PLCL1: variants seen among roughly 807,000 people sequenced by gnomAD.
PLCL1 encodes the protein phospholipase C like 1 (inactive).
In PLCL1, 41 loss-of-function variants were observed where a neutral mutation model predicts 84.4. The ratio of observed to expected loss-of-function variants is 0.49; its 90% CI spans 0.38 to 0.63. The LOEUF (loss-of-function observed/expected upper bound fraction) is 0.63. PLCL1 is among the 30% of genes least tolerant of loss of function. PLCL1 has a pLI of 0.00. For missense variants in PLCL1, 1,206 were observed against 1,367.8 expected (o/e 0.88, Z 1.87); for synonymous variants, 490 against 488.3 (o/e 1.00, Z -0.05).
chr2:197,993,689 AC>A (rs1326064179), intron 1 of PLCL1, among the ~76,000 whole-genome samples: 1 of 152,096 alleles, frequency 6.6e-6, no homozygotes, highest in Admixed American at 6.5e-5. Flanking sequence ...CTTCTCTAGA[AC>A]CTGTGCTAAC....
intron 1 of PLCL1, among the ~76,000 whole-genome samples, chr2:197,834,161 A>C (rs1691131986): frequency 6.6e-6 from 1 of 152,256 alleles, no homozygotes; most frequent in African/African-American, 2.4e-5. Flanking sequence ...TGCAAAATTT[A>C]ACTCAAGATG....
chr2:198,093,195 G>C (rs1693093591), intron 3 of PLCL1, among the ~76,000 whole-genome samples: 1 of 152,170 alleles, frequency 6.6e-6, no homozygotes, highest in Non-Finnish European at 1.5e-5. Context: ...GAACTATTCT[G>C]TATGAAACTG....
At chr2:197,987,073 C>CA (rs1690234233) in intron 1 of PLCL1, among the ~76,000 whole-genome samples, 1 of 152,140 alleles carries the variant, frequency 6.6e-6, no homozygotes, top group Non-Finnish European at 1.5e-5. Context: ...AACTCTCCGC[C>CA]AAGTTTACTG....
intron 1 of PLCL1, among the ~76,000 whole-genome samples, chr2:197,929,704 G>A (rs957597717): frequency 5.9e-5 from 9 of 152,154 alleles, no homozygotes; most frequent in African/African-American, 1.9e-4. Flanking sequence ...TTCTGGGCAG[G>A]TATGAATTCT....
chr2:197,811,093 T>C (rs1423587156), intron 1 of PLCL1, among the ~76,000 whole-genome samples: 2 of 151,986 alleles, frequency 1.3e-5, no homozygotes, highest in Non-Finnish European at 2.9e-5. Context: ...TTTGTAGTTT[T>C]GTTGACTCTT....
At chr2:197,989,630 G>A (rs1690294975) in intron 1 of PLCL1, among the ~76,000 whole-genome samples, 1 of 152,146 alleles carries the variant, frequency 6.6e-6, no homozygotes, top group Non-Finnish European at 1.5e-5. Flanking sequence ...TCTGAACACA[G>A]GAGGCGGAGT....
intron 1 of PLCL1, among the ~76,000 whole-genome samples, chr2:197,817,758 T>G (rs575551321): frequency 6.6e-6 from 1 of 152,254 alleles, no homozygotes; most frequent in South Asian, 2.1e-4. Context: ...AAGAGAGGGA[T>G]CAAGATGTGC....
At position 197,833,344 on chromosome 2, in the gene PLCL1, G is replaced by T. The variant is rs147932710; in HGVS notation, c.240+28005G>T. Among the ~76,000 whole-genome samples, 107 of 152,268 alleles carry T rather than the reference G, an allele frequency of 7.0e-4. 1 individual carries two copies. The East Asian group carries it at 0.017, about 24-fold the overall frequency. ...TTCTGGCCAGGGCAATCAGGCAAGA[G>T]AAATAAATAAAGATATTCAAATAGA... On this transcript the variant is annotated intron_variant, in intron 1 of 5. Coordinates refer to ENST00000428675, the MANE Select transcript of PLCL1 (RefSeq NM_006226.4).
intron 1 of PLCL1, among the ~76,000 whole-genome samples, chr2:197,997,242 G>A (rs1324558769): frequency 6.6e-6 from 1 of 152,208 alleles, no homozygotes; most frequent in Non-Finnish European, 1.5e-5. Flanking sequence ...ATGGGGCGGG[G>A]GCGTGAGCCC....
At chr2:197,971,768 T>G (rs1689872721) in intron 1 of PLCL1, among the ~76,000 whole-genome samples, 1 of 152,222 alleles carries the variant, frequency 6.6e-6, no homozygotes, top group Admixed American at 6.5e-5. Flanking sequence ...ACATTTTGAA[T>G]TTTTCTCCAG....
chr2:197,970,144 A>G (rs1689831198), intron 1 of PLCL1, among the ~76,000 whole-genome samples: 1 of 152,134 alleles, frequency 6.6e-6, no homozygotes, highest in African/African-American at 2.4e-5. Context: ...TATTTCTCAC[A>G]TTTCTGGAGG....
At chr2:198,123,163 C>T (rs1693908658) in intron 5 of PLCL1, among the ~76,000 whole-genome samples, 1 of 152,060 alleles carries the variant, frequency 6.6e-6, no homozygotes, top group African/African-American at 2.4e-5. Context: ...GAGATAGATG[C>T]TCATCTTCAG....
At chr2:197,872,349 G>A (rs906090085) in intron 1 of PLCL1, among the ~76,000 whole-genome samples, 1 of 152,008 alleles carries the variant, frequency 6.6e-6, no homozygotes, top group African/African-American at 2.4e-5. Flanking sequence ...AGGCATTTAG[G>A]GCCTTGAATC....
chr2:197,899,826 G>A (rs1688228948), intron 1 of PLCL1, among the ~76,000 whole-genome samples: 1 of 151,484 alleles, frequency 6.6e-6, no homozygotes, highest in Non-Finnish European at 1.5e-5. Flanking sequence ...TAGTAGAGAC[G>A]GGGTTTCACC....
intron 1 of PLCL1, among the ~76,000 whole-genome samples, chr2:198,025,262 C>G (rs1204400901): frequency 6.6e-6 from 1 of 151,908 alleles, no homozygotes; most frequent in Non-Finnish European, 1.5e-5. Flanking sequence ...TTTTTAAAAG[C>G]ATAAGCAAAC....
At chr2:198,131,005 C>T (rs1694106912) in intron 5 of PLCL1, among the ~76,000 whole-genome samples, 1 of 152,134 alleles carries the variant, frequency 6.6e-6, no homozygotes, top group Non-Finnish European at 1.5e-5. Context: ...TCATTGTGGC[C>T]TGTCTTCTCA....
At chr2:198,007,182 A>T (rs1022591033) in intron 1 of PLCL1, among the ~76,000 whole-genome samples, 1 of 152,250 alleles carries the variant, frequency 6.6e-6, no homozygotes, top group African/African-American at 2.4e-5. Flanking sequence ...ACATAGAAGA[A>T]GCTATAATAT....
At chr2:197,830,828 C>T (rs983847217) in intron 1 of PLCL1, among the ~76,000 whole-genome samples, 6 of 152,212 alleles carry the variant, frequency 3.9e-5, no homozygotes, top group African/African-American at 1.4e-4. Context: ...GATCTCTCTG[C>T]AGAAACCATG....
chr2:197,947,031 T>A (rs1033399459), intron 1 of PLCL1, among the ~76,000 whole-genome samples: 10 of 152,076 alleles, frequency 6.6e-5, no homozygotes, highest in Non-Finnish European at 1.5e-4. Context: ...TATGGGTTCA[T>A]TTACCCAGTA....
Sources: gnomAD v4.1 joint callset for allele counts (sites outside exome capture counted in the v4.1 genomes callset) on GRCh38, gnomAD v4.1.1 for gene constraint, MANE v1.5 for transcripts, NCBI Gene and HGNC (gene_info 2026-07-23, HGNC 2026-07-21) for gene names.